DLGAP1: variants seen among roughly 807,000 people sequenced by gnomAD.
The protein encoded by DLGAP1 is DLG associated protein 1.
Under a neutral mutation model 90.8 loss-of-function variants are expected in DLGAP1, and 11 were observed. That is an observed-to-expected ratio of 0.12 (90% confidence interval 0.08 to 0.20). The LOEUF (loss-of-function observed/expected upper bound fraction) is 0.20, where lower values mean the gene tolerates loss of function less well. Ranked by LOEUF, DLGAP1 falls within the 10% of genes least tolerant of loss-of-function variation. DLGAP1 has a pLI of 1.00. For missense variants in DLGAP1, 1,050 were observed against 1,333.8 expected, an observed-to-expected ratio of 0.79 and a Z score of 3.31; for synonymous variants, 558 against 540.7, an observed-to-expected ratio of 1.03 and a Z score of -0.44.
intron 4 of DLGAP1, among the ~76,000 whole-genome samples, chr18:3,820,433 T>C (rs1259578946): frequency 6.6e-6 from 1 of 152,154 alleles, no homozygotes. Flanking sequence ...ATTTGGTTGA[T>C]TTGGTGAAAA....
At chr18:3,523,623 G>A (rs12709594) in intron 10 of DLGAP1, among the ~76,000 whole-genome samples, 67,951 of 150,844 alleles carry the variant, frequency 0.45, 16,498 homozygotes, top group African/African-American at 0.64. Flanking sequence ...CAAGGAGGGC[G>A]GATCACGAGG....
chr18:4,250,541 G>C (rs1181826579), intron 1 of DLGAP1, among the ~76,000 whole-genome samples: 1 of 152,130 alleles, frequency 6.6e-6, no homozygotes, highest in Non-Finnish European at 1.5e-5. Context: ...TTTATTTCCA[G>C]CTCAGGAACA....
At chr18:3,730,874 T>C (rs1568030307) in intron 6 of DLGAP1, among the ~76,000 whole-genome samples, 1 of 152,240 alleles carries the variant, frequency 6.6e-6, no homozygotes, top group Non-Finnish European at 1.5e-5. Flanking sequence ...CTAATAACTA[T>C]ATGTGTCCAT....
intron 3 of DLGAP1, chr18:3,978,056 G>T: frequency 2.6e-6 from 1 of 379,978 alleles, no homozygotes; most frequent in South Asian, 2.1e-5. Flanking sequence ...CCAGTTTCTT[G>T]GAGGGGCCAT....
At chr18:4,186,502 A>C (rs1159113752) in intron 1 of DLGAP1, among the ~76,000 whole-genome samples, 1 of 152,190 alleles carries the variant, frequency 6.6e-6, no homozygotes, top group Non-Finnish European at 1.5e-5. Context: ...ATGGCTAACC[A>C]GTTATCCCAA....
At chr18:4,397,489 A>G (rs7241809) in intron 1 of DLGAP1, among the ~76,000 whole-genome samples, 1 of 152,180 alleles carries the variant, frequency 6.6e-6, no homozygotes, top group Non-Finnish European at 1.5e-5. Context: ...CTTTGAACTG[A>G]TTATATCCAC....
At chr18:4,339,759 G>A (rs562619716) in intron 1 of DLGAP1, among the ~76,000 whole-genome samples, 106 of 152,166 alleles carry the variant, frequency 7.0e-4, no homozygotes, top group African/African-American at 2.5e-3. Flanking sequence ...CAAAAATACA[G>A]CATTGAATAG....
intron 1 of DLGAP1, among the ~76,000 whole-genome samples, chr18:4,340,629 C>CA (rs2081169268): frequency 6.6e-6 from 1 of 151,808 alleles, no homozygotes; most frequent in African/African-American, 2.4e-5. Flanking sequence ...AAAAAAAACC[C>CA]AAAAAACTAT....
intron 1 of DLGAP1, among the ~76,000 whole-genome samples, chr18:4,269,354 ATTTTTT>A (rs202021108): frequency 0.05 from 6,580 of 132,088 alleles, 509 homozygotes; most frequent in African/African-American, 0.18. Context: ...ATATATATAT[ATTTTTT>A]TTTTTCTTTT....
At chr18:3,815,777 C>A (rs190076280) in intron 4 of DLGAP1, among the ~76,000 whole-genome samples, 3 of 152,154 alleles carry the variant, frequency 2.0e-5, no homozygotes, top group Middle Eastern at 3.4e-3. Context: ...TGCATAATAA[C>A]CACTCTTTTT....
intron 1 of DLGAP1, among the ~76,000 whole-genome samples, chr18:4,385,397 C>A (rs1461847554): frequency 6.6e-6 from 1 of 152,138 alleles, no homozygotes; most frequent in African/African-American, 2.4e-5. Flanking sequence ...CCCCTGAAAT[C>A]TGGGTCAAAA....
At position 3,790,755 on chromosome 18, in the gene DLGAP1, T is replaced by C. The variant is rs545819878; in HGVS notation, c.1172+23304A>G. Among the ~76,000 whole-genome samples the C allele has an allele frequency of 9.9e-5, 15 of 152,260 alleles. 1 individual carries two copies. The South Asian group carries it at 1.9e-3, about 19-fold the overall frequency. On this transcript the variant is annotated intron_variant, in intron 5 of 12. Coordinates refer to ENST00000315677, the MANE Select transcript of DLGAP1 (RefSeq NM_004746.4). ...GGGGAAAAGGGAAGGACTCATGGCT[T>C]GTAGGGAAGTGGATAGTGCATTTGT... is the stretch of plus-strand genomic sequence containing the variant.
chr18:4,114,407 G>A (rs935047984), intron 2 of DLGAP1, among the ~76,000 whole-genome samples: 1 of 151,944 alleles, frequency 6.6e-6, no homozygotes, highest in African/African-American at 2.4e-5. Flanking sequence ...TTGGCTCTCT[G>A]CTTGAATGCT....
intron 2 of DLGAP1, among the ~76,000 whole-genome samples, chr18:4,141,195 C>T (rs1484947130): frequency 1.3e-5 from 2 of 151,902 alleles, no homozygotes; most frequent in Admixed American, 6.6e-5. Context: ...AGGCTATTTT[C>T]TAGATCTTGT....
At chr18:4,241,679 G>A (rs2078537172) in intron 1 of DLGAP1, among the ~76,000 whole-genome samples, 1 of 152,178 alleles carries the variant, frequency 6.6e-6, no homozygotes, top group South Asian at 2.1e-4. Context: ...GAGGATATGG[G>A]ATGCCACCAA....
intron 7 of DLGAP1, among the ~76,000 whole-genome samples, chr18:3,635,125 C>T (rs2058651462): frequency 6.7e-6 from 1 of 148,820 alleles, no homozygotes; most frequent in South Asian, 2.1e-4. Context: ...GTCTGGTTGT[C>T]TGTCCCATTT....
At position 3,729,428 on chromosome 18, in the gene DLGAP1, A is replaced by T. The variant is rs1434106617; in HGVS notation, c.1351-53T>A. On this transcript the variant is annotated intron_variant, in intron 6 of 12. Transcript: ENST00000315677. The surrounding 1 kb of genome is among the most constrained non-coding windows in gnomAD (Gnocchi z 6.2). The stretch of plus-strand genomic sequence containing the variant: ...CTCGCCTCCACCTGGTGGAGGATCA[A>T]CCTCTCCAAGCATCTGCGAACTTCA... 1.3e-6 allele frequency: 2 copies of T among 1,578,492 alleles called. No homozygotes were observed. The highest frequency in any genetic ancestry group is 1.3e-5 in the African/African-American group (1 of 74,346).
chr18:3,599,400 G>A (rs1396160519), intron 7 of DLGAP1, among the ~76,000 whole-genome samples: 1 of 152,140 alleles, frequency 6.6e-6, no homozygotes, highest in Non-Finnish European at 1.5e-5. Context: ...AGGGAGAGGT[G>A]GCATCACCGC....
chr18:3,619,247 C>G (rs1251571837), intron 7 of DLGAP1, among the ~76,000 whole-genome samples: 12 of 152,246 alleles, frequency 7.9e-5, no homozygotes, highest in Non-Finnish European at 2.9e-5. Flanking sequence ...AGAGAATTCA[C>G]AGCCTTAAGG....
Sources: allele counts gnomAD v4.1 joint callset (sites outside exome capture counted in the v4.1 genomes callset), GRCh38; gene constraint gnomAD v4.1.1; non-coding constraint Gnocchi (gnomAD v3.1); transcripts MANE v1.5; gene names NCBI Gene and HGNC (gene_info 2026-07-23, HGNC 2026-07-21).